SDK2: variants seen among roughly 807,000 people sequenced by gnomAD.
SDK2 encodes sidekick cell adhesion molecule 2.
Under a neutral mutation model 253.9 loss-of-function variants are expected in SDK2, and 105 were observed. The observed-to-expected ratio is 0.41, with a 90% CI of 0.35 to 0.49. The LOEUF is 0.49. Among genes scored for constraint, SDK2 ranks in the 20% least tolerant of loss-of-function variants. SDK2 has a pLI of 0.06. For synonymous variants in SDK2, 1,249 were observed against 1,234.9 expected (o/e 1.01, Z -0.24); for missense variants, 2,608 against 3,003.0 (o/e 0.87, Z 3.07).
In SDK2 at chr17:73,365,379, G is replaced by T. The variant is rs758950552; in HGVS notation, c.5184C>A (p.Ser1728Arg). 9.3e-6 allele frequency: 15 copies of T among 1,609,302 alleles called. No homozygotes were observed. Among genetic ancestry groups the T allele is most frequent in the Non-Finnish European group, 1.3e-5 (15 of 1,178,302 alleles). ...QTQQAAPSAPSSVKFSELTTT... is the reference protein window; with the variant it reads ...QTQQAAPSAPRSVKFSELTTT... ...TGGTCAGCTCACTGAACTTGACCGA[G>T]CTGGGAGCGCTGGGGGCTGCGGGAG... The change falls in exon 38 of 45, where the codon AGC becomes AGA. Residue 1728 changes from serine (S) to arginine (R), a missense_variant. Coordinates refer to ENST00000392650, the MANE Select transcript of SDK2 (RefSeq NM_001144952.2).
In SDK2 at chr17:73,575,613, C is replaced by T. The variant is rs559114291; in HGVS notation, c.65-68016G>A. Among the ~76,000 whole-genome samples the T allele has an allele frequency of 5.3e-5, 8 of 152,310 alleles. No individual in the cohort carries two copies. The East Asian group carries it at 1.3e-3, about 26-fold the overall frequency. On this transcript the variant is annotated intron_variant, in intron 1 of 44. Transcript: ENST00000392650. ...TAGAGCAGTCATCACAGTTATCTCA[C>T]CAGGTGGTGATCAGGATTAAACGAG...
intron 44 of SDK2, among the ~76,000 whole-genome samples, chr17:73,342,796 T>C (rs184012416): frequency 4.3e-4 from 65 of 152,198 alleles, no homozygotes; most frequent in Non-Finnish European, 7.5e-4. Flanking sequence ...TCAGCCTCAG[T>C]GTCCTTGTCT....
intron 1 of SDK2, among the ~76,000 whole-genome samples, chr17:73,524,349 G>A (rs1046311882): frequency 4.6e-5 from 7 of 152,164 alleles, no homozygotes; most frequent in East Asian, 1.9e-4. Context: ...CATGGCCCCC[G>A]CCCGCCCCGG....
At chr17:73,436,956 C>T (rs1487462988) in intron 8 of SDK2, among the ~76,000 whole-genome samples, 1 of 152,116 alleles carries the variant, frequency 6.6e-6, no homozygotes, top group Non-Finnish European at 1.5e-5. Flanking sequence ...ACATTCTACG[C>T]GAGCAGGGAT....
chr17:73,361,578 C>T lies in SDK2; in HGVS notation c.5467+106G>A. On this transcript the variant is annotated intron_variant, in intron 39 of 44. Transcript: ENST00000392650. The surrounding 1 kb of genome is among the most constrained non-coding windows in gnomAD (Gnocchi z 4.1). ...AGGGGAAAGAGTGAGCTCTGTCCTCCACTCTGTTTCCAGGGTCCAGCACAG... is the reference window on the plus strand; with the variant it reads ...AGGGGAAAGAGTGAGCTCTGTCCTCTACTCTGTTTCCAGGGTCCAGCACAG... 3.7e-6 allele frequency: 4 copies of T among 1,092,092 alleles called. No individual in the cohort carries two copies. Among genetic ancestry groups the T allele is most frequent in the Non-Finnish European group, 5.3e-6 (4 of 753,296 alleles). 67.7% of individuals were successfully genotyped at this position (1,092,092 alleles called of 1,614,324 possible).
chr17:73,459,275 A>G lies in SDK2; in HGVS notation c.332-3222T>C, dbSNP rs537066849. On this transcript the variant is annotated intron_variant, in intron 3 of 44. Transcript: ENST00000392650. Reference sequence around the variant, plus strand: ...AGATCCCCTTCTGTCCATCTTACACACTGTTCTTGATTAGTTTTTCTGACC... The same window carrying G: ...AGATCCCCTTCTGTCCATCTTACACGCTGTTCTTGATTAGTTTTTCTGACC... Among the ~76,000 whole-genome samples the G allele has an allele frequency of 2.0e-5, 3 of 152,022 alleles. No individual in the cohort carries two copies. The East Asian group carries it at 5.8e-4, about 29-fold the overall frequency.
In SDK2 at chr17:73,365,387, C is replaced by T. The variant is rs144657895; in HGVS notation, c.5176G>A (p.Ala1726Thr). ...TCACTGAACTTGACCGAGCTGGGAGCGCTGGGGGCTGCGGGAGACAGCAAA... is the reference window on the plus strand; with the variant it reads ...TCACTGAACTTGACCGAGCTGGGAGTGCTGGGGGCTGCGGGAGACAGCAAA... ...QGQTQQAAPS[A>T]PSSVKFSELT... The change falls in exon 38 of 45, where the codon GCT (alanine) becomes ACT (threonine). Residue 1726 changes from alanine (A) to threonine (T), a missense_variant. This residue lies in a region of SDK2 where 1,103 missense variants were observed against 1,143.9 expected (regional missense o/e 0.96). Coordinates refer to ENST00000392650, the MANE Select transcript of SDK2 (RefSeq NM_001144952.2). 2.0e-4 allele frequency: 315 copies of T among 1,607,810 alleles called. No individual in the cohort carries two copies. Among genetic ancestry groups the T allele is most frequent in the African/African-American group, 1.5e-3 (111 of 74,692 alleles).
chr17:73,337,443 C>T lies in SDK2; in HGVS notation c.*1144G>A, dbSNP rs1168459427. ...TGAGTGTGCTGTCTGGCTAGGAGGG[C>T]CCAGATGAGTTTGTTCTGGAGAGGA... On this transcript the variant is annotated 3_prime_UTR_variant, in exon 45 of 45. Transcript: ENST00000392650. 1 of 151,984 alleles carries T rather than the reference C, an allele frequency of 6.6e-6. No individual in the cohort carries two copies. The highest frequency in any genetic ancestry group is 1.9e-4 in the East Asian group (1 of 5,134). 9.4% of individuals were successfully genotyped at this position (151,984 alleles called of 1,614,324 possible).
chr17:73,401,562 G>T, intron 20 of SDK2, 92 bp downstream of exon 20: 1 of 1,209,822 alleles, frequency 8.3e-7, no homozygotes, highest in Non-Finnish European at 1.2e-6. Flanking sequence ...CAAGAGTTTG[G>T]GTGAAAAGTA....
intron 1 of SDK2, among the ~76,000 whole-genome samples, chr17:73,600,926 G>C (rs2045829151): frequency 6.6e-6 from 1 of 152,086 alleles, no homozygotes; most frequent in South Asian, 2.1e-4. Flanking sequence ...CAGAGTCTGG[G>C]GGGCAGGACT....
intron 1 of SDK2, among the ~76,000 whole-genome samples, chr17:73,588,195 A>AG (rs2045628768): frequency 4.3e-5 from 5 of 116,718 alleles, no homozygotes; most frequent in African/African-American, 1.4e-4. Flanking sequence ...CAACATGGAG[A>AG]GACCCCCCCC....
intron 36 of SDK2, among the ~76,000 whole-genome samples, chr17:73,376,477 T>C (rs1377456863): frequency 6.6e-6 from 1 of 152,192 alleles, no homozygotes; most frequent in Admixed American, 6.5e-5. Context: ...CATGGGTTGA[T>C]GAAGTTAATG....
At chr17:73,422,694 C>A (rs532574720) in intron 14 of SDK2, among the ~76,000 whole-genome samples, 33 of 152,182 alleles carry the variant, frequency 2.2e-4, no homozygotes, top group Admixed American at 1.2e-3. Flanking sequence ...CACTACCCCC[C>A]ACAAATTGAT....
chr17:73,424,676 A>C (rs1027992223), intron 12 of SDK2, among the ~76,000 whole-genome samples: 2 of 152,212 alleles, frequency 1.3e-5, no homozygotes, highest in Non-Finnish European at 2.9e-5. Context: ...AACCATTATC[A>C]TTGTCATCAA....
intron 3 of SDK2, among the ~76,000 whole-genome samples, chr17:73,460,125 T>C (rs746807136): frequency 2.0e-5 from 3 of 152,198 alleles, no homozygotes; most frequent in Non-Finnish European, 4.4e-5. Flanking sequence ...ATGTGACTTT[T>C]GAGACTAGGT....
intron 1 of SDK2, among the ~76,000 whole-genome samples, chr17:73,617,370 G>A (rs1351887245): frequency 6.6e-6 from 1 of 151,994 alleles, no homozygotes; most frequent in African/African-American, 2.4e-5. Flanking sequence ...AGGAGGCAAA[G>A]AGTCAATGCT....
At chr17:73,633,697 G>A (rs1278550921) in intron 1 of SDK2, among the ~76,000 whole-genome samples, 3 of 152,164 alleles carry the variant, frequency 2.0e-5, no homozygotes, top group African/African-American at 7.2e-5. Flanking sequence ...CTAAACTCAA[G>A]GAGTTCACAA....
intron 1 of SDK2, among the ~76,000 whole-genome samples, chr17:73,545,185 G>A (rs576639494): frequency 6.6e-6 from 1 of 151,574 alleles, no homozygotes; most frequent in East Asian, 1.9e-4. Context: ...TATCTTGTTG[G>A]GGTTCCCCTC....
At chr17:73,537,058 C>T (rs751020456) in intron 1 of SDK2, among the ~76,000 whole-genome samples, 1 of 152,158 alleles carries the variant, frequency 6.6e-6, no homozygotes, top group Non-Finnish European at 1.5e-5. Flanking sequence ...GAGGATGGAT[C>T]GTAGCATGGT....
Sources: gnomAD v4.1 joint callset for allele counts (sites outside exome capture counted in the v4.1 genomes callset) on GRCh38, gnomAD v4.1.1 for gene constraint, gnomAD v4.1.1 regional missense constraint, Gnocchi (gnomAD v3.1) non-coding constraint, MANE v1.5 for transcripts, NCBI Gene and HGNC (gene_info 2026-07-23, HGNC 2026-07-21) for gene names.